Variants in SLC25A48 observed in about 807,000 individuals in gnomAD.
SLC25A48 encodes the protein CTC-321K16.1.
SLC25A48 carries 29 observed loss-of-function variants against 32.2 expected under a neutral mutation model. The ratio of observed to expected loss-of-function variants is 0.90; its 90% CI spans 0.67 to 1.23. The LOEUF (loss-of-function observed/expected upper bound fraction) is 1.23. Ranked by LOEUF, SLC25A48 falls within the 50% of genes most tolerant of loss-of-function variation. SLC25A48 has a pLI of 0.00. For missense variants in SLC25A48, 399 were observed against 422.7 expected (o/e 0.94, Z 0.49); for synonymous variants, 164 against 172.3 (o/e 0.95, Z 0.38).
intron 3 of SLC25A48, among the ~76,000 whole-genome samples, chr5:135,761,233 A>G (rs1438020222): frequency 6.6e-6 from 1 of 152,168 alleles, no homozygotes; most frequent in African/African-American, 2.4e-5. Context: ...GGATCACTTG[A>G]GCCCAGGAGG....
At chr5:135,768,504 G>A (rs1756308572) in intron 3 of SLC25A48, among the ~76,000 whole-genome samples, 1 of 151,296 alleles carries the variant, frequency 6.6e-6, no homozygotes. Context: ...GTTTCATAAT[G>A]TCTGGGGGAG....
intron 3 of SLC25A48, among the ~76,000 whole-genome samples, chr5:135,767,086 G>A (rs1756254755): frequency 6.6e-6 from 1 of 150,862 alleles, no homozygotes; most frequent in African/African-American, 2.4e-5. Context: ...AGAGAGTGAT[G>A]TTACTCCTAA....
At chr5:135,881,667 G>T (rs1581069198) in intron 7 of SLC25A48, among the ~76,000 whole-genome samples, 1 of 152,186 alleles carries the variant, frequency 6.6e-6, no homozygotes, top group South Asian at 2.1e-4. Flanking sequence ...TTTTAACAGA[G>T]AAAAGTAATT....
chr5:135,705,939 G>A (rs758657620), intron 3 of SLC25A48, among the ~76,000 whole-genome samples: 7 of 152,184 alleles, frequency 4.6e-5, no homozygotes, highest in Admixed American at 6.5e-5. Flanking sequence ...TGGCTGGAAC[G>A]CAGGCTGGTT....
intron 3 of SLC25A48, among the ~76,000 whole-genome samples, chr5:135,727,147 AT>A (rs773520519): frequency 6.7e-5 from 10 of 149,446 alleles, no homozygotes; most frequent in East Asian, 3.9e-4. Context: ...TTTAAATTGA[AT>A]TTTTTTTTAC....
chr5:135,801,495 A>T (rs1034132735), intron 3 of SLC25A48, among the ~76,000 whole-genome samples: 7 of 148,610 alleles, frequency 4.7e-5, no homozygotes, highest in Non-Finnish European at 9.0e-5. Context: ...GGGTGTGTAA[A>T]CCCCCTGTGA....
intron 3 of SLC25A48, among the ~76,000 whole-genome samples, chr5:135,700,052 CA>C (rs1385991146): frequency 3.3e-5 from 5 of 152,048 alleles, no homozygotes; most frequent in African/African-American, 1.2e-4. Context: ...GAGTCCCCAC[CA>C]GCATTTGACA....
At chr5:135,698,256 A>G (rs567688012) in intron 3 of SLC25A48, among the ~76,000 whole-genome samples, 1 of 152,286 alleles carries the variant, frequency 6.6e-6, no homozygotes, top group East Asian at 1.9e-4. Flanking sequence ...GTAAGGTCAC[A>G]TTGTGGTGAT....
intron 3 of SLC25A48, among the ~76,000 whole-genome samples, chr5:135,685,616 A>T (rs1320961092): frequency 6.6e-6 from 1 of 152,080 alleles, no homozygotes; most frequent in East Asian, 1.9e-4. Flanking sequence ...TATTTTTAGT[A>T]GAGACGGGGT....
At chr5:135,619,222 A>T (rs1379582809) in intron 1 of SLC25A48, among the ~76,000 whole-genome samples, 1 of 151,752 alleles carries the variant, frequency 6.6e-6, no homozygotes, top group Non-Finnish European at 1.5e-5. Context: ...TTTTTGTTTG[A>T]CTGGATTATT....
intron 3 of SLC25A48, among the ~76,000 whole-genome samples, chr5:135,748,521 G>T (rs1755695093): frequency 6.6e-6 from 1 of 151,830 alleles, no homozygotes; most frequent in Non-Finnish European, 1.5e-5. Context: ...TGATCCGCCT[G>T]CCTTGGCCTC....
intron 1 of SLC25A48, among the ~76,000 whole-genome samples, chr5:135,588,254 A>G (rs1751418429): frequency 6.6e-6 from 1 of 152,252 alleles, no homozygotes; most frequent in South Asian, 2.1e-4. Context: ...TATTTGAGCT[A>G]TCACAAAGAG....
At chr5:135,592,949 G>A (rs776008263) in intron 1 of SLC25A48, among the ~76,000 whole-genome samples, 1 of 152,130 alleles carries the variant, frequency 6.6e-6, no homozygotes, top group Non-Finnish European at 1.5e-5. Context: ...TGGTATAAAC[G>A]TTCTATAACT....
At chr5:135,765,263 C>T (rs933192166) in intron 3 of SLC25A48, among the ~76,000 whole-genome samples, 14 of 151,224 alleles carry the variant, frequency 9.3e-5, no homozygotes, top group Non-Finnish European at 1.5e-5. Flanking sequence ...TGTGTACACC[C>T]CCCTGTGATA....
intron 3 of SLC25A48, among the ~76,000 whole-genome samples, chr5:135,722,895 G>A (rs1386759672): frequency 6.6e-6 from 1 of 152,208 alleles, no homozygotes; most frequent in African/African-American, 2.4e-5. Context: ...GCTTTTCCCA[G>A]GCAGAGTCCA....
At chr5:135,689,066 T>G (rs1313196007) in intron 3 of SLC25A48, among the ~76,000 whole-genome samples, 1 of 152,154 alleles carries the variant, frequency 6.6e-6, no homozygotes, top group Admixed American at 6.5e-5. Context: ...ACATAGCTAG[T>G]AAGTTTGTCT....
intron 7 of SLC25A48, among the ~76,000 whole-genome samples, chr5:135,887,328 C>T (rs1486048866): frequency 2.0e-5 from 3 of 152,086 alleles, no homozygotes; most frequent in Non-Finnish European, 4.4e-5. Context: ...TTGGGAAACT[C>T]CACCGTATGC....
At chr5:135,880,321 AG>A (rs1762374208) in intron 7 of SLC25A48, among the ~76,000 whole-genome samples, 1 of 152,114 alleles carries the variant, frequency 6.6e-6, no homozygotes, top group Non-Finnish European at 1.5e-5. Flanking sequence ...AGTCTGGCAC[AG>A]AATATACCTG....
chr5:135,592,466 C>A (rs114347838), intron 1 of SLC25A48, among the ~76,000 whole-genome samples: 4 of 152,148 alleles, frequency 2.6e-5, no homozygotes, highest in African/African-American at 9.7e-5. Context: ...ATCTGTAGAA[C>A]GCATGTGTAA....
Sources: gnomAD v4.1 joint callset for allele counts (sites outside exome capture counted in the v4.1 genomes callset) on GRCh38, gnomAD v4.1.1 for gene constraint, MANE v1.5 for transcripts, NCBI Gene and HGNC (gene_info 2026-07-23, HGNC 2026-07-21) for gene names.